UNC5D: variants seen among roughly 807,000 people sequenced by gnomAD.
UNC5D encodes unc-5 netrin receptor D.
Under a neutral mutation model 105.4 loss-of-function variants are expected in UNC5D, and 39 were observed. The observed-to-expected ratio is 0.37, with a 90% CI of 0.29 to 0.48. The LOEUF (loss-of-function observed/expected upper bound fraction) is 0.48. Ranked by LOEUF, UNC5D falls within the 20% of genes least tolerant of loss-of-function variation. The pLI, the probability that UNC5D is intolerant of heterozygous loss-of-function variation, is 0.98. For missense variants in UNC5D, 991 were observed against 1,202.4 expected (o/e 0.82, Z 2.60); for synonymous variants, 452 against 450.4 (o/e 1.00, Z -0.04).
chr8:35,496,864 C>T (rs989023919), intron 1 of UNC5D, among the ~76,000 whole-genome samples: 9 of 152,126 alleles, frequency 5.9e-5, no homozygotes, highest in Non-Finnish European at 1.3e-4. Flanking sequence ...TAAATGGAAT[C>T]ATACATGGTT....
chr8:35,567,044 T>C (rs1170071297), intron 2 of UNC5D, among the ~76,000 whole-genome samples: 1 of 151,928 alleles, frequency 6.6e-6, no homozygotes, highest in Non-Finnish European at 1.5e-5. Flanking sequence ...CCAGACAATT[T>C]GTTTAATTTT....
chr8:35,619,832 G>T (rs2131021792), intron 4 of UNC5D, among the ~76,000 whole-genome samples: 1 of 152,300 alleles, frequency 6.6e-6, no homozygotes. Flanking sequence ...AGCAAGTCCA[G>T]GTCTGTCTTT....
chr8:35,630,492 C>G (rs1439710685), intron 4 of UNC5D, among the ~76,000 whole-genome samples: 2 of 152,196 alleles, frequency 1.3e-5, no homozygotes, highest in Non-Finnish European at 2.9e-5. Context: ...GTTGGCAACT[C>G]AGAAGCAGTG....
intron 2 of UNC5D, among the ~76,000 whole-genome samples, chr8:35,551,731 T>C (rs1489907920): frequency 6.6e-6 from 1 of 151,698 alleles, no homozygotes; most frequent in East Asian, 1.9e-4. Flanking sequence ...GGCAGGAGAA[T>C]TGCTTGAACC....
At chr8:35,678,722 AAATC>A (rs1343427938) in intron 4 of UNC5D, among the ~76,000 whole-genome samples, 1 of 152,162 alleles carries the variant, frequency 6.6e-6, no homozygotes, top group Non-Finnish European at 1.5e-5. Flanking sequence ...ACACAATACT[AAATC>A]AATTGCTGAG....
Position 35,683,599 on chromosome 8 carries a change from T to C in UNC5D, c.623T>C (p.Ile208Thr). ...EPIDSEQDEN[I>T]DTRADHNLII... is the part of the protein sequence containing the mutation. ...ATTGACTCTGAACAAGACGAGAACA[T>C]TGACACCAGGGCTGACCATAACCTG... Residue 208 changes from isoleucine (I) to threonine (T), a missense_variant, in exon 5 of 17, where the codon ATT (isoleucine) becomes ACT (threonine). Around this residue, in one of 3 missense-constraint regions of UNC5D, gnomAD observed 944 missense variants for 1,131.6 expected, o/e 0.83. Transcript: ENST00000404895. The C allele has an allele frequency of 2.5e-6, 4 of 1,579,056 alleles. No individual in the cohort carries two copies. Among genetic ancestry groups the C allele is most frequent in the Non-Finnish European group, 3.4e-6 (4 of 1,167,760 alleles).
chr8:35,706,927 G>A (rs1827622138), intron 8 of UNC5D, among the ~76,000 whole-genome samples: 1 of 152,110 alleles, frequency 6.6e-6, no homozygotes, highest in Admixed American at 6.6e-5. Flanking sequence ...AGGACGCTAG[G>A]GAAACTTCAA....
chr8:35,598,138 ACT>A (rs1201548810), intron 4 of UNC5D, among the ~76,000 whole-genome samples: 1 of 151,462 alleles, frequency 6.6e-6, no homozygotes, highest in Admixed American at 6.6e-5. Flanking sequence ...TGCTCTGTAC[ACT>A]CTGCAAATGT....
At chr8:35,265,090 A>C (rs569171612) in intron 1 of UNC5D, among the ~76,000 whole-genome samples, 1 of 152,318 alleles carries the variant, frequency 6.6e-6, no homozygotes, top group East Asian at 1.9e-4. Context: ...GTGAGGAAAA[A>C]CAGTAACAGT....
At chr8:35,467,717 C>T (rs1187275666) in intron 1 of UNC5D, among the ~76,000 whole-genome samples, 2 of 152,000 alleles carry the variant, frequency 1.3e-5, no homozygotes, top group Non-Finnish European at 2.9e-5. Context: ...AAAACTAGGA[C>T]CTTTGGGCAG....
At chr8:35,375,194 G>A (rs1315101415) in intron 1 of UNC5D, among the ~76,000 whole-genome samples, 2 of 152,108 alleles carry the variant, frequency 1.3e-5, no homozygotes, top group Admixed American at 6.6e-5. Context: ...TGCGTTGAAA[G>A]GTGAAGAAAG....
At chr8:35,311,801 G>T (rs951491529) in intron 1 of UNC5D, among the ~76,000 whole-genome samples, 24 of 152,120 alleles carry the variant, frequency 1.6e-4, no homozygotes, top group Non-Finnish European at 1.6e-4. Context: ...ACAGATCAAA[G>T]TTATTTTAAA....
chr8:35,346,249 C>T (rs949534999), intron 1 of UNC5D, among the ~76,000 whole-genome samples: 1 of 151,976 alleles, frequency 6.6e-6, no homozygotes, highest in African/African-American at 2.4e-5. Flanking sequence ...TGTGGGAATG[C>T]ATGTCTGATT....
intron 4 of UNC5D, among the ~76,000 whole-genome samples, chr8:35,630,254 A>G (rs1412900698): frequency 6.6e-6 from 1 of 152,218 alleles, no homozygotes; most frequent in East Asian, 1.9e-4. Flanking sequence ...CTTGGGCCAT[A>G]TACAAATACT....
intron 7 of UNC5D, among the ~76,000 whole-genome samples, chr8:35,693,383 A>G (rs1429333336): frequency 2.0e-5 from 3 of 152,140 alleles, no homozygotes; most frequent in Admixed American, 2.0e-4. Flanking sequence ...ATGCCTTGTT[A>G]ATAAAAAGAA....
intron 1 of UNC5D, chr8:35,544,419 A>T: frequency 6.2e-7 from 1 of 1,609,660 alleles, no homozygotes; most frequent in Middle Eastern, 1.7e-4. Context: ...GTTTAAAAAA[A>T]AAAGCTGTAA....
intron 1 of UNC5D, among the ~76,000 whole-genome samples, chr8:35,376,671 A>G (rs1304162801): frequency 2.0e-5 from 3 of 152,134 alleles, no homozygotes; most frequent in Non-Finnish European, 2.9e-5. Context: ...TCACTCCCCA[A>G]CTTGAAACTT....
At chr8:35,521,210 GGGA>G (rs1275595073) in intron 1 of UNC5D, among the ~76,000 whole-genome samples, 1 of 152,024 alleles carries the variant, frequency 6.6e-6, no homozygotes, top group East Asian at 1.9e-4. Flanking sequence ...TTTTTTGAAA[GGGA>G]GGAGGCAGAG....
rs1803035692 is a variant in UNC5D at position 35,791,408 on chromosome 8, G to C, written c.*845G>C. On this transcript the variant is annotated 3_prime_UTR_variant, in exon 17 of 17. Transcript: ENST00000404895. ...CTATTAGAACACAGCTTATTACATG[G>C]ATATGGGGACAGGAGAGATTAAAGC... The C allele has an allele frequency of 1.3e-5, 2 of 152,168 alleles. No homozygotes were observed. The highest frequency in any genetic ancestry group is 1.3e-4 in the Admixed American group (2 of 15,264). 9.4% of individuals were successfully genotyped at this position (152,168 alleles called of 1,614,324 possible).
Sources: allele counts gnomAD v4.1 joint callset (sites outside exome capture counted in the v4.1 genomes callset), GRCh38; gene constraint gnomAD v4.1.1; regional missense constraint gnomAD v4.1.1; transcripts MANE v1.5; gene names NCBI Gene and HGNC (gene_info 2026-07-23, HGNC 2026-07-21).